NOL10: variants seen among roughly 807,000 people sequenced by gnomAD.
NOL10 encodes the protein H_NH0074G24.1.
In NOL10, 58 loss-of-function variants were observed where a neutral mutation model predicts 103.5. The ratio of observed to expected loss-of-function variants is 0.56; its 90% CI spans 0.45 to 0.70. The LOEUF (loss-of-function observed/expected upper bound fraction) is 0.70. Among genes scored for constraint, NOL10 ranks in the 30% least tolerant of loss-of-function variants. The probability of loss-of-function intolerance (pLI) is 0.00; values close to 1 mark genes in which losing one functional copy is unlikely to be tolerated. For missense variants in NOL10, 763 were observed against 807.3 expected (o/e 0.95, Z 0.67); for synonymous variants, 287 against 282.5 (o/e 1.02, Z -0.16).
intron 13 of NOL10, among the ~76,000 whole-genome samples, chr2:10,635,878 T>C (rs566002074): frequency 2.0e-5 from 3 of 152,294 alleles, no homozygotes; most frequent in South Asian, 4.1e-4. Flanking sequence ...CACTCGTCCA[T>C]CTAGGAATTT....
At chr2:10,588,447 G>A (rs941370437) in intron 19 of NOL10, among the ~76,000 whole-genome samples, 1 of 151,974 alleles carries the variant, frequency 6.6e-6, no homozygotes, top group Non-Finnish European at 1.5e-5. Context: ...TACTCTTTTC[G>A]ATCTCTCAAT....
At chr2:10,588,468 A>G (rs1039739153) in intron 19 of NOL10, among the ~76,000 whole-genome samples, 18 of 152,330 alleles carry the variant, frequency 1.2e-4, no homozygotes, top group African/African-American at 4.3e-4. Flanking sequence ...TTTCCTGAAA[A>G]AGACTTAAAA....
chr2:10,676,766 T>C (rs925734437), intron 3 of NOL10, among the ~76,000 whole-genome samples: 3 of 151,644 alleles, frequency 2.0e-5, no homozygotes, highest in East Asian at 3.9e-4. Context: ...GCCCCCTGAG[T>C]AGCTGGGATT....
chr2:10,610,020 G>A (rs958606084), intron 13 of NOL10, among the ~76,000 whole-genome samples: 5 of 151,988 alleles, frequency 3.3e-5, no homozygotes, highest in African/African-American at 4.8e-5. Context: ...GGTCCTCTCC[G>A]GCAAAAGTAT....
At chr2:10,605,338 C>T (rs959728715) in intron 14 of NOL10, among the ~76,000 whole-genome samples, 1 of 152,170 alleles carries the variant, frequency 6.6e-6, no homozygotes, top group East Asian at 1.9e-4. Flanking sequence ...CTTCAATATA[C>T]TAATGCTGCA....
intron 20 of NOL10, among the ~76,000 whole-genome samples, chr2:10,576,714 A>G (rs914647455): frequency 2.0e-5 from 3 of 152,210 alleles, no homozygotes; most frequent in Non-Finnish European, 4.4e-5. Flanking sequence ...CTGGCGGATG[A>G]AAAGATGGGG....
rs953765685 is a variant in NOL10, at chr2:10,603,378, T to G, written c.1154-221A>C. Among the ~76,000 whole-genome samples the G allele has an allele frequency of 4.6e-5, 7 of 152,208 alleles. No individual in the cohort carries two copies. The East Asian group carries it at 1.3e-3, about 29-fold the overall frequency. ...GTAATAATACTACACACAAAAATGA[T>G]GAGAAAGTCCTTATGAACTAAGACA... On this transcript the variant is annotated intron_variant, in intron 14 of 20. Coordinates refer to ENST00000381685, the MANE Select transcript of NOL10 (RefSeq NM_024894.4).
chr2:10,583,324 A>G (rs188862036), intron 19 of NOL10, among the ~76,000 whole-genome samples: 74 of 152,314 alleles, frequency 4.9e-4, no homozygotes, highest in Middle Eastern at 3.4e-3. Context: ...CAAGTAAAAT[A>G]TTTGTTTTTC....
intron 13 of NOL10, among the ~76,000 whole-genome samples, chr2:10,633,985 C>G (rs1224629506): frequency 2.0e-5 from 3 of 151,984 alleles, no homozygotes; most frequent in East Asian, 3.8e-4. Flanking sequence ...TGTCACCACA[C>G]CTGGTTAATT....
At chr2:10,676,858 G>A (rs1452831329) in intron 3 of NOL10, among the ~76,000 whole-genome samples, 2 of 151,532 alleles carry the variant, frequency 1.3e-5, no homozygotes, top group East Asian at 1.9e-4. Flanking sequence ...GGCTGGTCTC[G>A]AACTCCTGAC....
At chr2:10,640,908 A>C (rs1430099826) in intron 13 of NOL10, among the ~76,000 whole-genome samples, 1 of 152,196 alleles carries the variant, frequency 6.6e-6, no homozygotes, top group Non-Finnish European at 1.5e-5. Flanking sequence ...TATAAAATAC[A>C]ACTTTGGGGC....
intron 3 of NOL10, among the ~76,000 whole-genome samples, chr2:10,679,687 G>A (rs921217413): frequency 5.9e-5 from 9 of 151,696 alleles, no homozygotes; most frequent in Non-Finnish European, 1.2e-4. Flanking sequence ...GCGCAGTGGC[G>A]CGATCCTGGC....
At chr2:10,578,407 ACC>A (rs1255183600) in intron 19 of NOL10, among the ~76,000 whole-genome samples, 1 of 152,214 alleles carries the variant, frequency 6.6e-6, no homozygotes, top group East Asian at 1.9e-4. Flanking sequence ...CTCTCCAGGT[ACC>A]TTTCCTTTTA....
intron 13 of NOL10, among the ~76,000 whole-genome samples, chr2:10,611,771 C>T (rs1676579501): frequency 6.6e-6 from 1 of 152,092 alleles, no homozygotes; most frequent in African/African-American, 2.4e-5. Flanking sequence ...CAAAAATTAG[C>T]CAGGCGTGGT....
chr2:10,685,823 C>T (rs1682157509), intron 1 of NOL10, among the ~76,000 whole-genome samples: 1 of 148,854 alleles, frequency 6.7e-6, no homozygotes, highest in African/African-American at 2.4e-5. Flanking sequence ...TCTATAATCC[C>T]AGCACTGAGG....
intron 19 of NOL10, among the ~76,000 whole-genome samples, chr2:10,581,732 G>A (rs1029788807): frequency 1.3e-5 from 2 of 152,154 alleles, no homozygotes; most frequent in East Asian, 1.9e-4. Flanking sequence ...GAGGTGGGAG[G>A]ATCATTTGAG....
intron 9 of NOL10, among the ~76,000 whole-genome samples, chr2:10,660,712 T>C (rs957570495): frequency 2.0e-5 from 3 of 152,216 alleles, no homozygotes; most frequent in Admixed American, 2.0e-4. Context: ...ACAAGGTCAC[T>C]GATTTTTGAA....
chr2:10,679,962 G>A (rs1171427802), intron 3 of NOL10, among the ~76,000 whole-genome samples: 1 of 151,776 alleles, frequency 6.6e-6, no homozygotes, highest in Non-Finnish European at 1.5e-5. Context: ...AAATAAAACC[G>A]AGGCATTCTG....
chr2:10,677,893 GTATA>G (rs1452735456), intron 3 of NOL10, among the ~76,000 whole-genome samples: 1 of 149,244 alleles, frequency 6.7e-6, no homozygotes, highest in African/African-American at 2.5e-5. Context: ...ATATGCGTGT[GTATA>G]TATGTGTGTG....
Sources: gnomAD v4.1 joint callset for allele counts (sites outside exome capture counted in the v4.1 genomes callset) on GRCh38, gnomAD v4.1.1 for gene constraint, MANE v1.5 for transcripts, NCBI Gene and HGNC (gene_info 2026-07-23, HGNC 2026-07-21) for gene names.